Variants in DOK6 observed in about 807,000 individuals in gnomAD.
The protein encoded by DOK6 is docking protein 6, also known as downstream of tyrosine kinase 6.
Under a neutral mutation model 44.0 loss-of-function variants are expected in DOK6, and 22 were observed. That is an observed-to-expected ratio of 0.50 (90% confidence interval 0.36 to 0.71). The LOEUF (loss-of-function observed/expected upper bound fraction) is 0.71, where lower values mean the gene tolerates loss of function less well. Ranked by LOEUF, DOK6 falls within the 30% of genes least tolerant of loss-of-function variation. The pLI, the probability that DOK6 is intolerant of heterozygous loss-of-function variation, is 0.00. For synonymous variants in DOK6, 166 were observed against 145.5 expected, an observed-to-expected ratio of 1.14 and a Z score of -1.01; for missense variants, 340 against 416.4, an observed-to-expected ratio of 0.82 and a Z score of 1.60.
At chr18:69,803,249 T>C (rs1030412165) in intron 7 of DOK6, among the ~76,000 whole-genome samples, 2 of 152,214 alleles carry the variant, frequency 1.3e-5, no homozygotes, top group Non-Finnish European at 2.9e-5. Flanking sequence ...CTGGTAATTA[T>C]AATAACAATT....
intron 1 of DOK6, among the ~76,000 whole-genome samples, chr18:69,421,377 T>A (rs1314660094): frequency 6.6e-6 from 1 of 152,184 alleles, no homozygotes. Context: ...CAGAGTGTAA[T>A]GCAGACAAAG....
Position 69,846,786 on chromosome 18 carries a change from G to C in DOK6, c.*5403G>C, listed in dbSNP as rs1226064573. The C allele has an allele frequency of 1.3e-5, 2 of 152,024 alleles. No homozygotes were observed. The highest frequency in any genetic ancestry group is 4.8e-5 in the African/African-American group (2 of 41,388). The allele number at this position is 152,024 out of a possible 1,614,324, so 9.4% of individuals were successfully genotyped here. A position where few individuals can be genotyped will look rare whatever the true frequency, so the allele number is the denominator to read the frequency against. ...TATTTATGGCATTTTTAACAACTTT[G>C]TTGCATAATTGATAACATCAGGGCT... On this transcript the variant is annotated 3_prime_UTR_variant, in exon 8 of 8. Transcript: ENST00000382713.
chr18:69,738,088 G>C (rs907487447), intron 5 of DOK6, among the ~76,000 whole-genome samples: 3 of 152,144 alleles, frequency 2.0e-5, no homozygotes, highest in Non-Finnish European at 4.4e-5. Flanking sequence ...GCTCTATAGG[G>C]CCCTAAGGGA....
chr18:69,407,284 A>G (rs1348835526), intron 1 of DOK6, among the ~76,000 whole-genome samples: 1 of 152,234 alleles, frequency 6.6e-6, no homozygotes, highest in East Asian at 1.9e-4. Context: ...TGCAATACAA[A>G]CAAAATTGAA....
chr18:69,831,204 T>C (rs920699699), intron 7 of DOK6: 2 of 152,178 alleles, frequency 1.3e-5, no homozygotes, highest in African/African-American at 4.8e-5. Flanking sequence ...GGAGCTCTGA[T>C]GTCTGAGGGC....
intron 3 of DOK6, among the ~76,000 whole-genome samples, chr18:69,620,696 G>A (rs1167246812): frequency 6.6e-6 from 1 of 152,072 alleles, no homozygotes; most frequent in Non-Finnish European, 1.5e-5. Flanking sequence ...TAATAAATAT[G>A]ATTATATGTC....
At chr18:69,484,908 T>G (rs548391028) in intron 1 of DOK6, among the ~76,000 whole-genome samples, 72 of 152,186 alleles carry the variant, frequency 4.7e-4, no homozygotes, top group African/African-American at 1.7e-3. Context: ...AAAAGACACT[T>G]GTTTATAGTT....
At chr18:69,550,293 G>C (rs144502786) in intron 1 of DOK6, among the ~76,000 whole-genome samples, 6 of 151,634 alleles carry the variant, frequency 4.0e-5, no homozygotes, top group African/African-American at 1.5e-4. Flanking sequence ...AATGTTCCTG[G>C]AAAGTAGCAC....
chr18:69,558,352 A>T lies in DOK6; in HGVS notation c.67-6135A>T, dbSNP rs1599191057. The stretch of plus-strand genomic sequence containing the variant: ...GCTTAATTTGATTTTACATTGACAC[A>T]GAATGACACTTGCAAATTCTCCACT... On this transcript the variant is annotated intron_variant, in intron 1 of 7. Coordinates refer to ENST00000382713, the MANE Select transcript of DOK6 (RefSeq NM_152721.6). Among the ~76,000 whole-genome samples the T allele has an allele frequency of 2.0e-5, 3 of 152,278 alleles. 1 individual carries two copies. In the South Asian group the frequency reaches 6.2e-4, roughly 32 times the overall value.
chr18:69,679,930 T>C (rs1230482699), intron 4 of DOK6, among the ~76,000 whole-genome samples: 4 of 151,886 alleles, frequency 2.6e-5, no homozygotes, highest in Non-Finnish European at 5.9e-5. Context: ...AGAAGGTGAC[T>C]TTAAAACACA....
intron 7 of DOK6, among the ~76,000 whole-genome samples, chr18:69,764,440 A>G (rs1290127278): frequency 6.6e-6 from 1 of 152,160 alleles, no homozygotes; most frequent in Non-Finnish European, 1.5e-5. Context: ...GTCATTAGGT[A>G]ACGGGGGCAG....
intron 5 of DOK6, among the ~76,000 whole-genome samples, chr18:69,731,069 C>T (rs185164929): frequency 1.6e-3 from 244 of 152,010 alleles, no homozygotes; most frequent in African/African-American, 5.6e-3. Context: ...TGTTGTTTTA[C>T]TGGGTAGCTT....
intron 3 of DOK6, among the ~76,000 whole-genome samples, chr18:69,607,850 T>C (rs1250914595): frequency 6.6e-6 from 1 of 151,856 alleles, no homozygotes; most frequent in Non-Finnish European, 1.5e-5. Flanking sequence ...ACAAGCAGAG[T>C]CACTACACAA....
intron 1 of DOK6, among the ~76,000 whole-genome samples, chr18:69,492,739 A>G (rs1980769174): frequency 6.6e-6 from 1 of 150,926 alleles, no homozygotes; most frequent in Non-Finnish European, 1.5e-5. Flanking sequence ...TGCAAAGGAC[A>G]TGGTTTCATT....
chr18:69,759,349 T>G (rs1979465493), intron 7 of DOK6, among the ~76,000 whole-genome samples: 1 of 152,152 alleles, frequency 6.6e-6, no homozygotes, highest in South Asian at 2.1e-4. Flanking sequence ...AATATAAGAT[T>G]TTTATTTAAA....
chr18:69,749,272 T>C lies in DOK6; in HGVS notation c.739-8484T>C, dbSNP rs887135891. Among the ~76,000 whole-genome samples the C allele has an allele frequency of 2.0e-5, 3 of 152,224 alleles. 1 individual carries two copies. The highest frequency in any genetic ancestry group is 1.3e-4 in the Admixed American group (2 of 15,286). ...ACACAGTTTACCTATATAACAATCC[T>C]GCACATCCTGCACCTGTACCCCAGA... On this transcript the variant is annotated intron_variant, in intron 6 of 7. Transcript: ENST00000382713.
chr18:69,467,617 C>T (rs1457822817), intron 1 of DOK6, among the ~76,000 whole-genome samples: 1 of 152,084 alleles, frequency 6.6e-6, no homozygotes, highest in Non-Finnish European at 1.5e-5. Context: ...AATAATTTAG[C>T]ACGTTTTCTA....
At chr18:69,788,223 G>A (rs1324446043) in intron 7 of DOK6, among the ~76,000 whole-genome samples, 1 of 152,168 alleles carries the variant, frequency 6.6e-6, no homozygotes, top group Non-Finnish European at 1.5e-5. Flanking sequence ...GTGCCCTAAA[G>A]TTCTCCTCAC....
intron 3 of DOK6, among the ~76,000 whole-genome samples, chr18:69,627,686 T>C (rs1205821006): frequency 6.6e-6 from 1 of 152,092 alleles, no homozygotes; most frequent in African/African-American, 2.4e-5. Flanking sequence ...CCTGACCTTG[T>C]GATCCGCCCG....
Sources: allele counts gnomAD v4.1 joint callset (sites outside exome capture counted in the v4.1 genomes callset), GRCh38; gene constraint gnomAD v4.1.1; transcripts MANE v1.5; gene names NCBI Gene and HGNC (gene_info 2026-07-23, HGNC 2026-07-21).